Variants in ECT2L observed in about 807,000 individuals in gnomAD.
The protein encoded by ECT2L is epithelial cell transforming 2 like, also known as epithelial cell-transforming sequence 2 oncogene-like.
ECT2L carries 126 observed loss-of-function variants against 122.8 expected under a neutral mutation model. That is an observed-to-expected ratio of 1.03 (90% CI 0.89 to 1.19). The LOEUF (loss-of-function observed/expected upper bound fraction) is 1.19, where lower values mean the gene tolerates loss of function less well. Ranked by LOEUF, ECT2L falls within the 50% of genes most tolerant of loss-of-function variation. ECT2L has a pLI of 0.00. For synonymous variants in ECT2L, 385 were observed against 381.8 expected (o/e 1.01, Z -0.10); for missense variants, 1,012 against 1,064.1 (o/e 0.95, Z 0.68).
intron 18 of ECT2L, 22 bp from the exon 19 acceptor site, chr6:138,886,835 A>G (rs1778837866): frequency 2.5e-6 from 4 of 1,596,528 alleles, no homozygotes; most frequent in Non-Finnish European, 3.4e-6. Context: ...TAGTTTGCCT[A>G]AAAGTACTTT....
At chr6:138,854,261 G>T (rs953366591) in intron 10 of ECT2L, 107 bp downstream of exon 10, 3 of 1,313,888 alleles carry the variant, frequency 2.3e-6, no homozygotes, top group Non-Finnish European at 3.1e-6. Flanking sequence ...CACATTTCAC[G>T]CTTCAATTTC....
chr6:138,853,552 T>C (rs1050296902), intron 9 of ECT2L, among the ~76,000 whole-genome samples: 2 of 152,116 alleles, frequency 1.3e-5, no homozygotes, highest in Non-Finnish European at 2.9e-5. Context: ...TCCAGACCCA[T>C]GCAGCTTAGT....
chr6:138,878,170 A>G (rs966362140), intron 14 of ECT2L, among the ~76,000 whole-genome samples: 5 of 152,152 alleles, frequency 3.3e-5, no homozygotes, highest in African/African-American at 1.2e-4. Flanking sequence ...TCCTCACTTA[A>G]AGACAGATTG....
At chr6:138,886,970 C>T (rs748590999) in intron 19 of ECT2L, 48 bp downstream of exon 19, 9 of 1,509,748 alleles carry the variant, frequency 6.0e-6, no homozygotes, top group Non-Finnish European at 1.8e-6. Flanking sequence ...TGAATACAAC[C>T]TCCAGTCTTT....
intron 4 of ECT2L, among the ~76,000 whole-genome samples, chr6:138,836,530 C>T (rs1473582686): frequency 6.6e-6 from 1 of 151,986 alleles, no homozygotes; most frequent in Non-Finnish European, 1.5e-5. Flanking sequence ...TCAGGTGATC[C>T]ACCCACCTCG....
rs373903853 is a variant in ECT2L, at chr6:138,900,269, C to T, written c.2415-679C>T. ...ACTTATTATCTTTTTTTTTTTGAGG[C>T]GGAGTCTCGCCCTGTCACCCAGGCT... On this transcript the variant is annotated intron_variant, in intron 20 of 21. Transcript: ENST00000541398. 3.3e-5 allele frequency among the ~76,000 whole-genome samples: 5 copies of T among 150,766 alleles called. 1 individual carries two copies. Among genetic ancestry groups the T allele is most frequent in the East Asian group, 2.0e-4 (1 of 5,126 alleles).
intron 14 of ECT2L, among the ~76,000 whole-genome samples, chr6:138,878,421 A>G (rs2128405905): frequency 6.6e-6 from 1 of 152,148 alleles, no homozygotes; most frequent in South Asian, 2.1e-4. Flanking sequence ...TGAGCATGCC[A>G]CGAAGGGAGA....
rs1449816174 is a variant in ECT2L, at chr6:138,902,565, G to A, written c.2653G>A (p.Asp885Asn). 1 of 1,613,730 alleles carries A rather than the reference G, an allele frequency of 6.2e-7. No individual in the cohort carries two copies. Among genetic ancestry groups the A allele is most frequent in the South Asian group, 1.1e-5 (1 of 91,052 alleles). Residue 885 changes from aspartate (D) to asparagine (N), a missense_variant, in exon 22 of 22, where the codon GAT becomes AAT. Asp to Asn is a conservative substitution (Grantham distance 23). Transcript: ENST00000541398. ...YKWICATEIE[D>N]DKFLWLSVLR... Reference sequence around the variant, plus strand: ...ATGGATTTGTGCTACAGAAATAGAGGATGATAAGTTCCTATGGCTGTCAGT... The same window carrying A: ...ATGGATTTGTGCTACAGAAATAGAGAATGATAAGTTCCTATGGCTGTCAGT...
rs1481466396 is a variant in ECT2L at position 138,844,450 on chromosome 6, A to G, written c.634A>G (p.Thr212Ala). The G allele has an allele frequency of 6.2e-7, 1 of 1,614,126 alleles. No individual in the cohort carries two copies. The highest frequency in any genetic ancestry group is 1.7e-5 in the Admixed American group (1 of 60,016). Residue 212 changes from threonine to alanine, a missense_variant, in exon 7 of 22, where the codon ACT becomes GCT. Coordinates refer to ENST00000541398, the MANE Select transcript of ECT2L (RefSeq NM_001077706.3). The part of the protein sequence containing the change: ...FKVRPPWVSG[T>A]CCSSVLKPRC... Reference sequence around the variant, plus strand: ...AGTTCGACCCCCTTGGGTGAGTGGAACTTGCTGCTCTAGCGTGCTAAAGCC... The same window carrying G: ...AGTTCGACCCCCTTGGGTGAGTGGAGCTTGCTGCTCTAGCGTGCTAAAGCC...
chr6:138,817,912 C>T (rs1031970770), intron 4 of ECT2L, among the ~76,000 whole-genome samples: 2 of 152,140 alleles, frequency 1.3e-5, no homozygotes, highest in South Asian at 4.1e-4. Flanking sequence ...CCAGTGATGT[C>T]TTTCCCCTAC....
chr6:138,886,847 T>C lies in ECT2L; in HGVS notation c.2260-10T>C. 6.2e-7 allele frequency: 1 copy of C among 1,611,090 alleles called. No individual in the cohort carries two copies. The highest frequency in any genetic ancestry group is 8.5e-7 in the Non-Finnish European group (1 of 1,178,014). ...TTTTAGTTTGCCTAAAAGTACTTTT[T>C]TTCCCCTAGATGAAGCAAAACATCA... On this transcript the variant is annotated splice_polypyrimidine_tract_variant and intron_variant, in intron 18 of 21. Coordinates refer to ENST00000541398, the MANE Select transcript of ECT2L (RefSeq NM_001077706.3).
chr6:138,814,361 C>T (rs750586232), intron 3 of ECT2L, 130 bp from the exon 4 acceptor site: 45 of 473,000 alleles, frequency 9.5e-5, no homozygotes, highest in Non-Finnish European at 1.5e-4. Flanking sequence ...TATGTGAAAG[C>T]GCTCTGTGAA....
intron 4 of ECT2L, among the ~76,000 whole-genome samples, chr6:138,822,062 T>C (rs937528955): frequency 6.6e-6 from 1 of 152,268 alleles, no homozygotes; most frequent in African/African-American, 2.4e-5. Flanking sequence ...GTGGTAGCTT[T>C]GTTTACAAAT....
chr6:138,864,818 T>A (rs1777968185), intron 11 of ECT2L, among the ~76,000 whole-genome samples, 178 bp from the exon 12 acceptor site: 1 of 152,246 alleles, frequency 6.6e-6, no homozygotes, highest in African/African-American at 2.4e-5. Context: ...TGAATCCTTT[T>A]CGAGTTTCTA....
chr6:138,881,383 C>T (rs1003722645), intron 15 of ECT2L, among the ~76,000 whole-genome samples: 1 of 151,878 alleles, frequency 6.6e-6, no homozygotes, highest in African/African-American at 2.4e-5. Flanking sequence ...AGCCATGGTG[C>T]AAGGAGTGGT....
At chr6:138,887,201 A>G (rs1488623044) in intron 19 of ECT2L, among the ~76,000 whole-genome samples, 1 of 149,612 alleles carries the variant, frequency 6.7e-6, no homozygotes, top group African/African-American at 2.5e-5. Context: ...GAAAGGGGCC[A>G]TGTGTTCTAC....
chr6:138,863,424 T>G (rs1188826), intron 11 of ECT2L, among the ~76,000 whole-genome samples: 105,568 of 152,018 alleles, frequency 0.69, 37,394 homozygotes, highest in African/African-American at 0.83. Flanking sequence ...TAAGGGAAAA[T>G]ATTCTTTGTA....
intron 4 of ECT2L, among the ~76,000 whole-genome samples, chr6:138,827,942 A>ATTT (rs34074477): frequency 6.7e-6 from 1 of 150,236 alleles, no homozygotes; most frequent in African/African-American, 2.4e-5. Context: ...ATAAAGGACT[A>ATTT]TTTTTTTTTT....
chr6:138,901,144 A>C (rs1286557948), intron 21 of ECT2L, 24 bp downstream of exon 21: 1 of 1,608,110 alleles, frequency 6.2e-7, no homozygotes, highest in Non-Finnish European at 8.5e-7. Flanking sequence ...TCCTTCCAAG[A>C]GACAGATACC....
Sources: allele counts gnomAD v4.1 joint callset (sites outside exome capture counted in the v4.1 genomes callset), GRCh38; gene constraint gnomAD v4.1.1; transcripts MANE v1.5; gene names NCBI Gene and HGNC (gene_info 2026-07-23, HGNC 2026-07-21).